URB1: variants seen among roughly 807,000 people sequenced by gnomAD.
URB1 encodes the protein URB1 ribosome biogenesis factor, also known as nucleolar pre-ribosomal-associated protein 1.
URB1 carries 197 observed loss-of-function variants against 242.3 expected under a neutral mutation model. The ratio of observed to expected loss-of-function variants is 0.81; its 90% confidence interval spans 0.72 to 0.91. The LOEUF (loss-of-function observed/expected upper bound fraction) is 0.91. Ranked by LOEUF, URB1 falls within the 40% of genes least tolerant of loss-of-function variation. URB1 has a pLI of 0.00. For synonymous variants in URB1, 1,153 were observed against 1,201.8 expected, an observed-to-expected ratio of 0.96 and a Z score of 0.84; for missense variants, 2,721 against 2,860.5, an observed-to-expected ratio of 0.95 and a Z score of 1.11.
Position 32,311,408 on chromosome 21 carries a change from A to AACCCCC in URB1, c.*3509_*3510insGGGGGT. 1 of 212,656 alleles carries AACCCCC rather than the reference A, an allele frequency of 4.7e-6. No individual in the cohort carries two copies. The highest frequency in any genetic ancestry group is 9.3e-6 in the Non-Finnish European group (1 of 107,342). The allele number at this position is 212,656 out of a possible 1,614,324, so 13.2% of individuals were successfully genotyped here. A position where few individuals can be genotyped will look rare whatever the true frequency, so the allele number is the denominator to read the frequency against. ...ATGGGAGGTCAACCTGCTCCCCTCC[A>AACCCCC]CCCCCCACCCCCCCCATCCTAAATC... On this transcript the variant is annotated 3_prime_UTR_variant, in exon 39 of 39. Coordinates refer to ENST00000382751, the MANE Select transcript of URB1 (RefSeq NM_014825.3).
chr21:32,325,252 C>T lies in URB1; in HGVS notation c.5098G>A (p.Ala1700Thr), dbSNP rs144291646. Residue 1700 changes from alanine (A) to threonine (T), a missense_variant, in exon 31 of 39, where the codon GCA (alanine) becomes ACA (threonine). Ala to Thr is a moderately conservative substitution (Grantham distance 58). Transcript: ENST00000382751. ...ACCTGGGACTGCTCTTGGAACCGTG[C>T]GCCCTCCAAGTGCGAGTAGTAGGCC... ...LAAYYSHLEG[A>T]RFQEQSQLLY... The T allele has an allele frequency of 6.1e-5, 95 of 1,551,428 alleles. No individual in the cohort carries two copies. The East Asian group carries it at 1.1e-3, about 18-fold the overall frequency.
rs1488080050 is a variant in URB1, at chr21:32,349,296, G to A, written c.3012+8C>T. On this transcript the variant is annotated splice_region_variant and intron_variant, in intron 21 of 38. Coordinates refer to ENST00000382751, the MANE Select transcript of URB1 (RefSeq NM_014825.3). ...GAGAATAGGCTACCAGGCAACCTGT[G>A]GCGGTACCTGATCATTGGCCAACTC... 6.5e-7 allele frequency: 1 copy of A among 1,532,398 alleles called. No individual in the cohort carries two copies. Among genetic ancestry groups the A allele is most frequent in the Admixed American group, 2.1e-5 (1 of 48,632 alleles). 94.9% of individuals were successfully genotyped at this position (1,532,398 alleles called of 1,614,324 possible). A position where few individuals can be genotyped will look rare whatever the true frequency, so the allele number is the denominator to read the frequency against.
chr21:32,319,918 T>C (rs2833764), intron 35 of URB1, among the ~76,000 whole-genome samples: 2,738 of 152,316 alleles, frequency 0.018, 111 homozygotes, highest in African/African-American at 0.063. Flanking sequence ...AGGCTTATTA[T>C]AGTAGTTAGT....
intron 1 of URB1, among the ~76,000 whole-genome samples, chr21:32,386,233 AG>A (rs2033582841): frequency 6.6e-6 from 1 of 152,072 alleles, no homozygotes; most frequent in Non-Finnish European, 1.5e-5. Flanking sequence ...GAGATAACTC[AG>A]GTTAAGTGAG....
Position 32,383,503 on chromosome 21 carries a change from C to G in URB1, c.486G>C (p.Pro162=). Residue 162 remains proline, a synonymous_variant, in exon 4 of 39, where the codon CCG becomes CCC. Coordinates refer to ENST00000382751, the MANE Select transcript of URB1 (RefSeq NM_014825.3). ...SLMTAMVTQG[P]EAARDVCSHF... is the part of the protein sequence containing the mutation. ...GGCTGCAGACGTCCCTGGCAGCTTCCGGACCCTGGGTCACCATGGCGGTCA... is the reference window on the plus strand; with the variant it reads ...GGCTGCAGACGTCCCTGGCAGCTTCGGGACCCTGGGTCACCATGGCGGTCA... 1 of 1,551,586 alleles carries G rather than the reference C, an allele frequency of 6.4e-7. No individual in the cohort carries two copies. The highest frequency in any genetic ancestry group is 8.7e-7 in the Non-Finnish European group (1 of 1,146,970).
chr21:32,375,554 C>T lies in URB1; in HGVS notation c.665-71G>A. The T allele has an allele frequency of 1.2e-5, 11 of 900,020 alleles. No homozygotes were observed. In the South Asian group the frequency reaches 2.0e-4, roughly 16 times the overall value. 55.8% of individuals were successfully genotyped at this position (900,020 alleles called of 1,614,324 possible). A position where few individuals can be genotyped will look rare whatever the true frequency, so the allele number is the denominator to read the frequency against. Reference sequence around the variant, plus strand: ...AATGAGAATAGACGAGAGAATATTACTGTTTAGGTGGTACAGCAAACAATG... The same window carrying T: ...AATGAGAATAGACGAGAGAATATTATTGTTTAGGTGGTACAGCAAACAATG... On this transcript the variant is annotated intron_variant, in intron 5 of 38. Transcript: ENST00000382751.
rs1231458933 is a variant in URB1, at chr21:32,385,550, T to C, written c.277A>G (p.Ser93Gly). ...QLLSGEKRPE[S>G]ETMLIFQVFE... ...CCATGTAAGGAACAACTTACTTCACTTTCAGGTCGTTTCTCTCCACTTAGG... is the reference window on the plus strand; with the variant it reads ...CCATGTAAGGAACAACTTACTTCACCTTCAGGTCGTTTCTCTCCACTTAGG... Residue 93 changes from serine (S) to glycine (G), a missense_variant, in exon 2 of 39, where the codon AGT becomes GGT. Coordinates refer to ENST00000382751, the MANE Select transcript of URB1 (RefSeq NM_014825.3). 1 of 1,552,050 alleles carries C rather than the reference T, an allele frequency of 6.4e-7. No homozygotes were observed. The highest frequency in any genetic ancestry group is 8.7e-7 in the Non-Finnish European group (1 of 1,147,100).
intron 14 of URB1, among the ~76,000 whole-genome samples, chr21:32,358,465 T>C (rs756503187): frequency 6.6e-6 from 1 of 152,176 alleles, no homozygotes; most frequent in Non-Finnish European, 1.5e-5. Context: ...CAAAAGGCTT[T>C]TGGGCTTTGA....
rs1366722207 is a variant in URB1 at position 32,319,222 on chromosome 21, G to T, written c.5787C>A (p.His1929Gln). Residue 1929 changes from histidine to glutamine, a missense_variant, in exon 36 of 39, where the codon CAC (histidine) becomes CAA (glutamine). Transcript: ENST00000382751. ...CTGGCGGGGGCAGGACTCACCTCAGGTGCTTCATGAGCACGATGAGAACAT... is the reference window on the plus strand; with the variant it reads ...CTGGCGGGGGCAGGACTCACCTCAGTTGCTTCATGAGCACGATGAGAACAT... ...FLYVLIVLMK[H>Q]LRPTLAPVQL... 6.5e-7 allele frequency: 1 copy of T among 1,549,108 alleles called. No homozygotes were observed. The highest frequency in any genetic ancestry group is 8.7e-7 in the Non-Finnish European group (1 of 1,146,088).
chr21:32,368,832 C>T (rs986665204), intron 8 of URB1, among the ~76,000 whole-genome samples: 1 of 152,144 alleles, frequency 6.6e-6, no homozygotes, highest in African/African-American at 2.4e-5. Context: ...CTCTGTCCTG[C>T]GATCTTTCTT....
intron 25 of URB1, 91 bp from the exon 26 acceptor site, chr21:32,338,991 A>T: frequency 8.1e-7 from 1 of 1,229,308 alleles, no homozygotes; most frequent in Non-Finnish European, 1.1e-6. Flanking sequence ...TCAGTATTTT[A>T]TTTATTTATT....
intron 36 of URB1, 94 bp downstream of exon 36, chr21:32,319,123 A>G: frequency 3.9e-6 from 5 of 1,270,684 alleles, no homozygotes; most frequent in South Asian, 1.5e-5. Flanking sequence ...TCCCCCTGGT[A>G]CAGAGTCATG....
intron 21 of URB1, 116 bp downstream of exon 21, chr21:32,349,188 T>C (rs1221098150): frequency 3.1e-5 from 42 of 1,346,312 alleles, no homozygotes; most frequent in Non-Finnish European, 4.0e-5. Flanking sequence ...TCTGCTGTAG[T>C]TTCTGCATTT....
intron 24 of URB1, among the ~76,000 whole-genome samples, chr21:32,342,997 G>GA (rs993605465): frequency 4.6e-5 from 7 of 151,488 alleles, no homozygotes; most frequent in African/African-American, 1.5e-4. Flanking sequence ...ATCGGGTGGG[G>GA]AAAAAAAATC....
rs1230281597 is a variant in URB1 at position 32,319,430 on chromosome 21, A to G, written c.5595-16T>C. 1.3e-6 allele frequency: 2 copies of G among 1,501,302 alleles called. No homozygotes were observed. Among genetic ancestry groups the G allele is most frequent in the African/African-American group, 2.8e-5 (2 of 70,634 alleles). The allele number at this position is 1,501,302 out of a possible 1,614,324, so 93.0% of individuals were successfully genotyped here. A position where few individuals can be genotyped will look rare whatever the true frequency, so the allele number is the denominator to read the frequency against. ...CTCCAGAAACCTAAAACCAAGCACA[A>G]CAGCCTTCAATCCGCCACATCCTGA... On this transcript the variant is annotated splice_polypyrimidine_tract_variant and intron_variant, in intron 35 of 38. Coordinates refer to ENST00000382751, the MANE Select transcript of URB1 (RefSeq NM_014825.3).
chr21:32,362,108 A>T, intron 11 of URB1, 87 bp from the exon 12 acceptor site: 10 of 1,484,954 alleles, frequency 6.7e-6, no homozygotes, highest in Non-Finnish European at 8.1e-6. Flanking sequence ...GATGCAAAAA[A>T]CAGGGAGGGG....
intron 8 of URB1, 147 bp downstream of exon 8, chr21:32,372,360 G>A: frequency 1.8e-6 from 2 of 1,091,424 alleles, no homozygotes; most frequent in South Asian, 3.9e-5. Context: ...GAAGTTCTCT[G>A]GGACTACAAC....
In URB1 at chr21:32,349,342, T is replaced by C. The variant is rs1049160975; in HGVS notation, c.2974A>G (p.Met992Val). 3 of 1,550,552 alleles carry C rather than the reference T, an allele frequency of 1.9e-6. No individual in the cohort carries two copies. In the East Asian group the frequency reaches 7.3e-5, roughly 38 times the overall value. ...AACTCCAGCGAGGCCACGGACTCCA[T>C]GTCCAGGAAGAGGTCGGCTTCGGCC... ...ARAEADLFLD[M>V]ESVASLELAN... The change falls in exon 21 of 39, where the codon ATG becomes GTG. Residue 992 changes from methionine (M) to valine (V), a missense_variant. Met to Val is a conservative substitution (Grantham distance 21). Transcript: ENST00000382751.
Position 32,392,864 on chromosome 21 carries a change from G to A in URB1, c.47C>T (p.Ala16Val). The change falls in exon 1 of 39, where the codon GCT (alanine) becomes GTT (valine). Residue 16 changes from alanine to valine, a missense_variant. Transcript: ENST00000382751. ...GCGCTTGGCTGCACCCGCGGAGGAA[G>A]CCGCGCCGTCCTGGCCGCCCGAGGC... ...RKASGGQDGAASSAGAAKRAR... is the reference protein window; with the variant it reads ...RKASGGQDGAVSSAGAAKRAR... The A allele has an allele frequency of 6.5e-7, 1 of 1,533,326 alleles. No homozygotes were observed. Among genetic ancestry groups the A allele is most frequent in the South Asian group, 1.2e-5 (1 of 83,440 alleles). The allele number at this position is 1,533,326 out of a possible 1,614,324, so 95.0% of individuals were successfully genotyped here. A position where few individuals can be genotyped will look rare whatever the true frequency, so the allele number is the denominator to read the frequency against.
Sources: allele counts gnomAD v4.1 joint callset (sites outside exome capture counted in the v4.1 genomes callset), GRCh38; gene constraint gnomAD v4.1.1; transcripts MANE v1.5; gene names NCBI Gene and HGNC (gene_info 2026-07-23, HGNC 2026-07-21).